Variants in DAB1 observed in about 807,000 individuals in gnomAD.
The protein encoded by DAB1 is DAB adaptor protein 1.
DAB1 carries 15 observed loss-of-function variants against 64.6 expected under a neutral mutation model. The observed-to-expected ratio is 0.23, with a 90% CI of 0.16 to 0.36. The LOEUF (loss-of-function observed/expected upper bound fraction) is 0.36. Among genes scored for constraint, DAB1 ranks in the 10% least tolerant of loss-of-function variants. DAB1 has a pLI of 1.00. For missense variants in DAB1, 596 were observed against 706.7 expected (o/e 0.84, Z 1.78); for synonymous variants, 235 against 251.9 (o/e 0.93, Z 0.64).
Position 57,448,327 on chromosome 1 carries a change from G to A in DAB1, n.626-157161C>T, listed in dbSNP as rs573738748. On this transcript the variant is annotated intron_variant and non_coding_transcript_variant, in intron 7 of 20. Transcript: ENST00000485760. ...ATTTATGAAACATGCTTTGAAATTA[G>A]ATTTTGAATTCATCTCTGTCCTTTG... is the stretch of plus-strand genomic sequence containing the variant. 3.9e-5 allele frequency among the ~76,000 whole-genome samples: 6 copies of A among 152,086 alleles called. No individual in the cohort carries two copies. In the East Asian group the frequency reaches 1.2e-3, roughly 29 times the overall value.
At chr1:57,430,736 A>C (rs1456873009) in intron 7 of DAB1, among the ~76,000 whole-genome samples, 1 of 152,180 alleles carries the variant, frequency 6.6e-6, no homozygotes, top group Non-Finnish European at 1.5e-5. Context: ...ATACGAACAC[A>C]GAATGTGCAC....
chr1:57,942,752 A>G (rs11588451), intron 5 of DAB1, among the ~76,000 whole-genome samples: 61,486 of 152,036 alleles, frequency 0.4, 13,580 homozygotes, highest in Admixed American at 0.51. Flanking sequence ...AAGGCCCTGG[A>G]TGGCACAGAA....
Position 57,228,035 on chromosome 1 carries a change from G to A in DAB1, c.67+62929C>T, listed in dbSNP as rs528308945. ...TGCAGCCATAGTTGTTGTTCCTGAG[G>A]CATCAAAGGGAATGCTTCAAACATT... On this transcript the variant is annotated intron_variant, in intron 2 of 14. Transcript: ENST00000371236. 3.3e-5 allele frequency among the ~76,000 whole-genome samples: 5 copies of A among 152,232 alleles called. No individual in the cohort carries two copies. In the South Asian group the frequency reaches 1.0e-3, roughly 32 times the overall value.
rs559095314 is a variant in DAB1 at position 57,920,635 on chromosome 1, A to T, written n.388-36473T>A. On this transcript the variant is annotated intron_variant and non_coding_transcript_variant, in intron 5 of 20. Coordinates refer to the DAB1 transcript ENST00000485760. ...TCAAATCCCAGATCCACTACTTAGC[A>T]GCTAGACAAATTATTAATCTCTCCA... is the stretch of plus-strand genomic sequence containing the variant. Among the ~76,000 whole-genome samples, 3 of 152,296 alleles carry T rather than the reference A, an allele frequency of 2.0e-5. No individual in the cohort carries two copies. In the South Asian group the frequency reaches 6.2e-4, roughly 32 times the overall value.
chr1:57,820,683 C>T (rs1652076042), intron 6 of DAB1, among the ~76,000 whole-genome samples: 2 of 152,186 alleles, frequency 1.3e-5, no homozygotes, highest in African/African-American at 2.4e-5. Flanking sequence ...TGATGTTACA[C>T]AGCTTGCCTT....
chr1:57,140,018 C>G (rs1020903519), intron 3 of DAB1, among the ~76,000 whole-genome samples: 8 of 152,186 alleles, frequency 5.3e-5, no homozygotes, highest in African/African-American at 1.9e-4. Flanking sequence ...AAACTGCACT[C>G]AGTCTAGAGT....
intron 4 of DAB1, among the ~76,000 whole-genome samples, chr1:57,135,574 A>G (rs1365404222): frequency 6.6e-6 from 1 of 152,190 alleles, no homozygotes; most frequent in Admixed American, 6.6e-5. Flanking sequence ...GAGGTGTACA[A>G]ATATCCATTC....
At chr1:58,489,106 G>A (rs572036064) in intron 3 of DAB1, among the ~76,000 whole-genome samples, 149 of 152,284 alleles carry the variant, frequency 9.8e-4, no homozygotes, top group Admixed American at 3.1e-3. Context: ...CAGGACAGTC[G>A]GTGCAGCGCA....
intron 6 of DAB1, among the ~76,000 whole-genome samples, chr1:57,665,197 G>A (rs939068561): frequency 6.6e-6 from 1 of 151,958 alleles, no homozygotes; most frequent in East Asian, 1.9e-4. Flanking sequence ...ATGAATAAAA[G>A]ATATAAATAA....
intron 1 of DAB1, among the ~76,000 whole-genome samples, chr1:57,406,458 T>G (rs549905661): frequency 2.0e-5 from 3 of 152,236 alleles, no homozygotes; most frequent in African/African-American, 7.2e-5. Flanking sequence ...TATAGGGTAA[T>G]GTCCATGGAT....
intron 2 of DAB1, among the ~76,000 whole-genome samples, chr1:57,227,720 C>T (rs1667381545): frequency 6.6e-6 from 1 of 152,018 alleles, no homozygotes; most frequent in Non-Finnish European, 1.5e-5. Flanking sequence ...TTACACTGAG[C>T]TAATTTTTGT....
intron 3 of DAB1, among the ~76,000 whole-genome samples, chr1:57,140,882 AG>A (rs1158818549): frequency 1.3e-5 from 2 of 152,152 alleles, no homozygotes; most frequent in Non-Finnish European, 2.9e-5. Flanking sequence ...GCCAAGCAAG[AG>A]TCACAGGCTG....
chr1:57,580,067 C>T (rs143175553), intron 7 of DAB1, among the ~76,000 whole-genome samples: 31 of 151,676 alleles, frequency 2.0e-4, no homozygotes, highest in African/African-American at 5.8e-4. Context: ...GTAATTCCAA[C>T]GTGCTCTGTA....
At chr1:58,418,610 A>G (rs1209972908) in intron 3 of DAB1, among the ~76,000 whole-genome samples, 1 of 152,108 alleles carries the variant, frequency 6.6e-6, no homozygotes, top group Non-Finnish European at 1.5e-5. Context: ...GCAAATAACC[A>G]CCTACCAATA....
At chr1:58,305,919 A>G (rs533007931) in intron 4 of DAB1, among the ~76,000 whole-genome samples, 12 of 152,274 alleles carry the variant, frequency 7.9e-5, no homozygotes, top group Admixed American at 2.6e-4. Flanking sequence ...AAGCTTCACA[A>G]TGAGGGTCTT....
chr1:57,518,559 C>T (rs1025103153), intron 7 of DAB1, among the ~76,000 whole-genome samples: 4 of 152,140 alleles, frequency 2.6e-5, no homozygotes, highest in African/African-American at 9.7e-5. Flanking sequence ...AATCTGATTC[C>T]TTTTTTTCAT....
At chr1:57,940,333 G>T (rs1645085116) in intron 5 of DAB1, among the ~76,000 whole-genome samples, 1 of 152,142 alleles carries the variant, frequency 6.6e-6, no homozygotes, top group Admixed American at 6.5e-5. Context: ...TACAGTTTTT[G>T]CTGATATTTG....
chr1:57,936,699 T>C (rs1029654176), intron 5 of DAB1, among the ~76,000 whole-genome samples: 1 of 152,170 alleles, frequency 6.6e-6, no homozygotes, highest in African/African-American at 2.4e-5. Context: ...TTTATTTATT[T>C]TTTTTAGATG....
At chr1:57,058,334 G>A (rs149274913) in intron 9 of DAB1, among the ~76,000 whole-genome samples, 139 of 152,298 alleles carry the variant, frequency 9.1e-4, no homozygotes, top group African/African-American at 3.0e-3. Flanking sequence ...TTGACACGGC[G>A]TCTTTGGCCC....
Sources: gnomAD v4.1 joint callset for allele counts (sites outside exome capture counted in the v4.1 genomes callset) on GRCh38, gnomAD v4.1.1 for gene constraint, MANE v1.5 for transcripts, NCBI Gene and HGNC (gene_info 2026-07-23, HGNC 2026-07-21) for gene names.